Variants in MBOAT2 observed in about 807,000 individuals in gnomAD.
The protein encoded by MBOAT2 is membrane bound glycerophospholipid O-acyltransferase 2.
MBOAT2 carries 28 observed loss-of-function variants against 63.4 expected under a neutral mutation model. The observed-to-expected ratio is 0.44, with a 90% confidence interval of 0.33 to 0.61. The LOEUF is 0.61. Ranked by LOEUF, MBOAT2 falls within the 20% of genes least tolerant of loss-of-function variation. The probability of loss-of-function intolerance (pLI) is 0.03; values close to 1 mark genes in which losing one functional copy is unlikely to be tolerated. For synonymous variants in MBOAT2, 211 were observed against 215.6 expected, an observed-to-expected ratio of 0.98 and a Z score of 0.19; for missense variants, 470 against 605.8, an observed-to-expected ratio of 0.78 and a Z score of 2.35.
chr2:8,963,169 T>G (rs1200435411), intron 1 of MBOAT2, among the ~76,000 whole-genome samples: 1 of 148,252 alleles, frequency 6.7e-6, no homozygotes, highest in Non-Finnish European at 1.5e-5. Context: ...GCCTTGGAGG[T>G]CAAGGTTGCA....
intron 3 of MBOAT2, among the ~76,000 whole-genome samples, chr2:8,923,376 C>G (rs1666719560): frequency 6.6e-6 from 1 of 152,158 alleles, no homozygotes; most frequent in Admixed American, 6.5e-5. Flanking sequence ...TTTGGCAGAT[C>G]AGGAGACACC....
chr2:8,990,075 C>T (rs1276353553), intron 1 of MBOAT2, among the ~76,000 whole-genome samples: 4 of 152,126 alleles, frequency 2.6e-5, no homozygotes, highest in Non-Finnish European at 1.5e-5. Flanking sequence ...TTTGTTTTTT[C>T]ATTTGCTATA....
At chr2:9,001,605 G>A (rs1206059345) in intron 1 of MBOAT2, among the ~76,000 whole-genome samples, 1 of 152,102 alleles carries the variant, frequency 6.6e-6, no homozygotes, top group Non-Finnish European at 1.5e-5. Flanking sequence ...TAGTCCCAAG[G>A]TACCAACTTA....
intron 2 of MBOAT2, among the ~76,000 whole-genome samples, chr2:8,955,594 T>C (rs1308153583): frequency 6.6e-6 from 1 of 152,238 alleles, no homozygotes; most frequent in African/African-American, 2.4e-5. Context: ...TGAGGAACAC[T>C]GAAAGTCTCT....
At chr2:8,882,860 C>T (rs1047292785) in intron 5 of MBOAT2, among the ~76,000 whole-genome samples, 10 of 152,098 alleles carry the variant, frequency 6.6e-5, no homozygotes, top group Non-Finnish European at 1.2e-4. Context: ...ATCGTAAATG[C>T]TATGACTTTT....
chr2:8,864,598 C>A (rs1661728360), intron 9 of MBOAT2, among the ~76,000 whole-genome samples: 2 of 152,070 alleles, frequency 1.3e-5, no homozygotes, highest in Admixed American at 1.3e-4. Flanking sequence ...CTCCTTCCCG[C>A]CAAGCTCCGC....
chr2:8,880,412 G>A (rs998043862), intron 6 of MBOAT2, among the ~76,000 whole-genome samples: 4 of 152,232 alleles, frequency 2.6e-5, no homozygotes, highest in Non-Finnish European at 5.9e-5. Flanking sequence ...AGGAACAGAT[G>A]CGGGAGGAGG....
chr2:8,932,621 T>C (rs1667399514), intron 3 of MBOAT2, among the ~76,000 whole-genome samples: 1 of 152,210 alleles, frequency 6.6e-6, no homozygotes. Flanking sequence ...CACAGACTTC[T>C]AGAGCTGCCA....
At chr2:8,888,165 C>G in intron 4 of MBOAT2, 92 bp from the exon 5 acceptor site, 2 of 1,176,772 alleles carry the variant, frequency 1.7e-6, no homozygotes, top group Non-Finnish European at 2.5e-6. Context: ...CTGCTTTTAT[C>G]ACTACAAATC....
chr2:8,959,285 C>T (rs1445398326), intron 1 of MBOAT2, among the ~76,000 whole-genome samples: 1 of 152,114 alleles, frequency 6.6e-6, no homozygotes, highest in African/African-American at 2.4e-5. Context: ...GTCCACCAAC[C>T]TCAATTTTTA....
At chr2:8,981,682 G>A (rs534243427) in intron 1 of MBOAT2, among the ~76,000 whole-genome samples, 1 of 152,012 alleles carries the variant, frequency 6.6e-6, no homozygotes, top group Non-Finnish European at 1.5e-5. Context: ...AGAGGGAGGG[G>A]GAAACAGGAA....
intron 4 of MBOAT2, among the ~76,000 whole-genome samples, chr2:8,897,903 T>A (rs1664602513): frequency 6.6e-6 from 1 of 152,200 alleles, no homozygotes; most frequent in Admixed American, 6.5e-5. Context: ...TAGGCAATTG[T>A]CTGATAGCCA....
At chr2:8,924,716 T>C (rs1666821857) in intron 3 of MBOAT2, among the ~76,000 whole-genome samples, 1 of 152,018 alleles carries the variant, frequency 6.6e-6, no homozygotes, top group African/African-American at 2.4e-5. Flanking sequence ...CTTTTTTTTT[T>C]TTTTTAACAA....
rs931847475 is a variant in MBOAT2 at position 8,857,300 on chromosome 2, G to A, written c.*1379C>T. Reference sequence around the variant, plus strand: ...TACAGGGCAGGAGGTACAATCTGGGGCTGAGGCCACTCCACTGCCTGGCAT... The same window carrying A: ...TACAGGGCAGGAGGTACAATCTGGGACTGAGGCCACTCCACTGCCTGGCAT... On this transcript the variant is annotated 3_prime_UTR_variant, in exon 13 of 13. Coordinates refer to ENST00000305997, the MANE Select transcript of MBOAT2 (RefSeq NM_138799.4). 3.4e-4 allele frequency: 52 copies of A among 152,676 alleles called. No homozygotes were observed. Among genetic ancestry groups the A allele is most frequent in the African/African-American group, 1.2e-3 (51 of 41,450 alleles). 9.5% of individuals were successfully genotyped at this position (152,676 alleles called of 1,614,324 possible).
intron 1 of MBOAT2, among the ~76,000 whole-genome samples, chr2:8,975,355 A>C (rs1207226384): frequency 6.6e-6 from 1 of 152,102 alleles, no homozygotes; most frequent in East Asian, 1.9e-4. Flanking sequence ...ACCGTCACTC[A>C]CTGGCCTGTG....
rs558639577 is a variant in MBOAT2 at position 8,877,383 on chromosome 2, G to GT, written c.507-171dup. On this transcript the variant is annotated intron_variant, in intron 6 of 12. Coordinates refer to ENST00000305997, the MANE Select transcript of MBOAT2 (RefSeq NM_138799.4). The stretch of plus-strand genomic sequence containing the variant: ...GATCAGAACATAGTCATGCTCAAAA[G>GT]TATGTCTGAATAAGAGTTTCTATAC... Among the ~76,000 whole-genome samples, 26 of 152,370 alleles carry GT rather than the reference G, an allele frequency of 1.7e-4. No individual in the cohort carries two copies. The South Asian group carries it at 5.2e-3, about 30-fold the overall frequency.
chr2:8,870,099 A>G (rs1372560246), intron 8 of MBOAT2, among the ~76,000 whole-genome samples: 1 of 152,182 alleles, frequency 6.6e-6, no homozygotes, highest in Admixed American at 6.5e-5. Context: ...CCAAGTTGTC[A>G]TTATATAGAG....
intron 1 of MBOAT2, among the ~76,000 whole-genome samples, chr2:8,964,887 T>G (rs1223114961): frequency 2.0e-5 from 3 of 152,224 alleles, no homozygotes; most frequent in Non-Finnish European, 4.4e-5. Flanking sequence ...AGTTTTCCCT[T>G]TATATCCTTT....
chr2:8,866,861 G>A (rs1431995577), intron 9 of MBOAT2, among the ~76,000 whole-genome samples: 1 of 152,062 alleles, frequency 6.6e-6, no homozygotes, highest in Non-Finnish European at 1.5e-5. Flanking sequence ...TTCAGATTTG[G>A]TTATCTCAGC....
Sources: gnomAD v4.1 joint callset for allele counts (sites outside exome capture counted in the v4.1 genomes callset) on GRCh38, gnomAD v4.1.1 for gene constraint, MANE v1.5 for transcripts, NCBI Gene and HGNC (gene_info 2026-07-23, HGNC 2026-07-21) for gene names.